The following SFRP1 variants were observed in gnomAD, a reference collection of about 807,000 sequenced individuals.
SFRP1 encodes the protein secreted frizzled related protein 1.
SFRP1 carries 9 observed loss-of-function variants against 25.9 expected under a neutral mutation model. That is an observed-to-expected ratio of 0.35 (90% CI 0.21 to 0.61). SFRP1 has a LOEUF of 0.61. Among genes scored for constraint, SFRP1 ranks in the 20% least tolerant of loss-of-function variants. SFRP1 has a pLI of 0.78. For missense variants in SFRP1, 346 were observed against 418.2 expected (o/e 0.83, Z 1.51); for synonymous variants, 178 against 174.0 (o/e 1.02, Z -0.18).
intron 1 of SFRP1, chr8:41,306,758 C>T (rs760040535): frequency 6.3e-7 from 1 of 1,597,844 alleles, no homozygotes; most frequent in Non-Finnish European, 8.5e-7. Context: ...TGAGTGAGGA[C>T]GGTTCCAAGC....
chr8:41,288,209 T>A (rs943204747), intron 2 of SFRP1, among the ~76,000 whole-genome samples: 2 of 151,700 alleles, frequency 1.3e-5, no homozygotes, highest in Non-Finnish European at 2.9e-5. Context: ...AATAAAAAAA[T>A]TAGCCAGTTG....
chr8:41,279,889 G>A (rs1172099028), intron 2 of SFRP1, among the ~76,000 whole-genome samples: 1 of 152,074 alleles, frequency 6.6e-6, no homozygotes, highest in Non-Finnish European at 1.5e-5. Context: ...AACAAGCACA[G>A]TTCAAGGTTC....
In SFRP1 at chr8:41,264,095, C is replaced by T. The variant is rs1380300455; in HGVS notation, c.*1072G>A. On this transcript the variant is annotated 3_prime_UTR_variant, in exon 3 of 3. Coordinates refer to ENST00000220772, the MANE Select transcript of SFRP1 (RefSeq NM_003012.5). ...TGGCAAATGCCTGGGGAGAGCTGCTCCTCTGGGAAGCAGCCTCGGACGGAT... is the reference window on the plus strand; with the variant it reads ...TGGCAAATGCCTGGGGAGAGCTGCTTCTCTGGGAAGCAGCCTCGGACGGAT... 1 of 152,260 alleles carries T rather than the reference C, an allele frequency of 6.6e-6. No homozygotes were observed. The highest frequency in any genetic ancestry group is 1.5e-5 in the Non-Finnish European group (1 of 68,056). 9.4% of individuals were successfully genotyped at this position (152,260 alleles called of 1,614,324 possible). A position where few individuals can be genotyped will look rare whatever the true frequency, so the allele number is the denominator to read the frequency against.
intron 2 of SFRP1, chr8:41,275,077 A>C (rs1803555136): frequency 5.7e-6 from 2 of 353,092 alleles, no homozygotes; most frequent in South Asian, 4.0e-5. Flanking sequence ...CATTTTTCAG[A>C]TAACAAAATC....
At chr8:41,276,620 C>T (rs1803575187) in intron 2 of SFRP1, among the ~76,000 whole-genome samples, 1 of 152,168 alleles carries the variant, frequency 6.6e-6, no homozygotes, top group African/African-American at 2.4e-5. Flanking sequence ...GACTACAAGA[C>T]ATACGTTACA....
Position 41,263,498 on chromosome 8 carries a change from G to C in SFRP1, c.*1669C>G, listed in dbSNP as rs1261250449. ...AACAGAATCTACCATCCTTTCCTCC[G>C]GGTCAGGCTAGGGCCGCAGGGGGCC... On this transcript the variant is annotated 3_prime_UTR_variant, in exon 3 of 3. Coordinates refer to ENST00000220772, the MANE Select transcript of SFRP1 (RefSeq NM_003012.5). 1 of 152,160 alleles carries C rather than the reference G, an allele frequency of 6.6e-6. No homozygotes were observed. Among genetic ancestry groups the C allele is most frequent in the East Asian group, 1.9e-4 (1 of 5,192 alleles). The allele number at this position is 152,160 out of a possible 1,614,324, so 9.4% of individuals were successfully genotyped here.
chr8:41,306,670 C>A, intron 1 of SFRP1: 1 of 1,579,670 alleles, frequency 6.3e-7, no homozygotes, highest in South Asian at 1.1e-5. Flanking sequence ...GACCGGCCCT[C>A]TCCCCACTTT....
At chr8:41,269,047 C>A (rs1488525507) in intron 2 of SFRP1, among the ~76,000 whole-genome samples, 1 of 152,198 alleles carries the variant, frequency 6.6e-6, no homozygotes, top group Non-Finnish European at 1.5e-5. Flanking sequence ...CCTGGTGGAT[C>A]GACCATCTGA....
intron 2 of SFRP1, among the ~76,000 whole-genome samples, chr8:41,291,116 G>C (rs1028086155): frequency 9.9e-5 from 15 of 151,414 alleles, no homozygotes; most frequent in Non-Finnish European, 2.9e-5. Flanking sequence ...CCCCATGTTA[G>C]CCAGGACGGT....
chr8:41,283,391 C>T (rs7815952), intron 2 of SFRP1, among the ~76,000 whole-genome samples: 20,727 of 151,932 alleles, frequency 0.14, 2,393 homozygotes, highest in East Asian at 0.36. Flanking sequence ...AGGAAACCCC[C>T]GTGAGACCAT....
chr8:41,275,959 G>A (rs1803566870), intron 2 of SFRP1, among the ~76,000 whole-genome samples: 1 of 152,096 alleles, frequency 6.6e-6, no homozygotes, highest in Non-Finnish European at 1.5e-5. Flanking sequence ...TCTTTCCCAG[G>A]TTGGTCTCGA....
intron 2 of SFRP1, among the ~76,000 whole-genome samples, chr8:41,302,891 C>G (rs972892919): frequency 6.6e-6 from 1 of 151,796 alleles, no homozygotes; most frequent in Non-Finnish European, 1.5e-5. Flanking sequence ...AGAAAAACCA[C>G]CCTGCTGTGG....
intron 2 of SFRP1, among the ~76,000 whole-genome samples, chr8:41,289,005 T>C (rs1455699419): frequency 1.3e-5 from 2 of 152,226 alleles, no homozygotes; most frequent in African/African-American, 4.8e-5. Flanking sequence ...TGCAATGCAC[T>C]GCCCTTTGCA....
chr8:41,306,976 T>A, intron 1 of SFRP1: 1 of 1,471,320 alleles, frequency 6.8e-7, no homozygotes, highest in Non-Finnish European at 9.0e-7. Flanking sequence ...CCCCCTAAGG[T>A]GTCCACTCAT....
intron 2 of SFRP1, among the ~76,000 whole-genome samples, chr8:41,278,417 T>C (rs1803596071): frequency 6.6e-6 from 1 of 152,238 alleles, no homozygotes; most frequent in South Asian, 2.1e-4. Context: ...ATTTTACTTC[T>C]CTGGATCCCA....
chr8:41,292,138 G>C (rs1803787046), intron 2 of SFRP1, among the ~76,000 whole-genome samples: 1 of 152,214 alleles, frequency 6.6e-6, no homozygotes, highest in Non-Finnish European at 1.5e-5. Flanking sequence ...GCAGGTAAGA[G>C]CTATCTATAG....
At chr8:41,294,340 C>A (rs182766524) in intron 2 of SFRP1, among the ~76,000 whole-genome samples, 2 of 152,170 alleles carry the variant, frequency 1.3e-5, no homozygotes, top group Non-Finnish European at 2.9e-5. Context: ...AAGACACCGA[C>A]GTGGAAAATT....
At chr8:41,299,258 TAGAA>T (rs1257623752) in intron 2 of SFRP1, among the ~76,000 whole-genome samples, 4 of 152,026 alleles carry the variant, frequency 2.6e-5, no homozygotes, top group African/African-American at 9.7e-5. Context: ...GATCTGTGGA[TAGAA>T]TATGTATCTT....
chr8:41,300,061 A>G (rs1030059257), intron 2 of SFRP1, among the ~76,000 whole-genome samples: 1 of 152,204 alleles, frequency 6.6e-6, no homozygotes, highest in African/African-American at 2.4e-5. Flanking sequence ...GGCTGAGCCT[A>G]CTTTCTGCAA....
Sources: allele counts gnomAD v4.1 joint callset (sites outside exome capture counted in the v4.1 genomes callset), GRCh38; gene constraint gnomAD v4.1.1; transcripts MANE v1.5; gene names NCBI Gene and HGNC (gene_info 2026-07-23, HGNC 2026-07-21).